The following TMEM196 variants were observed in gnomAD, a reference collection of about 807,000 sequenced individuals.
TMEM196 encodes the protein transmembrane protein 196.
In TMEM196, 17 loss-of-function variants were observed where a neutral mutation model predicts 20.0. The observed-to-expected ratio is 0.85, with a 90% CI of 0.58 to 1.27. TMEM196 has a LOEUF of 1.27. TMEM196 is among the 50% of genes most tolerant of loss of function. The pLI is 0.00. For missense variants in TMEM196, 267 were observed against 223.0 expected, an observed-to-expected ratio of 1.20 and a Z score of -1.26; for synonymous variants, 113 against 88.9, an observed-to-expected ratio of 1.27 and a Z score of -1.52.
chr7:19,758,393 A>T (rs1785301231), intron 1 of TMEM196, among the ~76,000 whole-genome samples: 2 of 152,200 alleles, frequency 1.3e-5, no homozygotes, highest in African/African-American at 4.8e-5. Flanking sequence ...AGCACTGCTA[A>T]TAATTTGGGA....
Position 19,722,039 on chromosome 7 carries a change from A to AAATCCT in TMEM196, c.*83_*88dup. 1 of 1,582,506 alleles carries AAATCCT rather than the reference A, an allele frequency of 6.3e-7. No individual in the cohort carries two copies. The highest frequency in any genetic ancestry group is 8.6e-7 in the Non-Finnish European group (1 of 1,156,596). On this transcript the variant is annotated 3_prime_UTR_variant, in exon 5 of 5. Coordinates refer to ENST00000405844, the MANE Select transcript of TMEM196 (RefSeq NM_001363562.2). ...CCTTTGGTGTCTCATTGCCTCATGAAAATCCTAAAAAGTGTTCAATTCTTT... is the reference window on the plus strand; with the variant it reads ...CCTTTGGTGTCTCATTGCCTCATGAAAATCCTAATCCTAAAAAGTGTTCAATTCTTT...
chr7:19,731,998 T>G (rs1173755439), intron 1 of TMEM196, among the ~76,000 whole-genome samples: 1 of 152,200 alleles, frequency 6.6e-6, no homozygotes, highest in Non-Finnish European at 1.5e-5. Context: ...GAGGAGGATC[T>G]AAAAGATCTT....
rs1206476915 is a variant in TMEM196, at chr7:19,772,688, G to A, written c.9C>T (p.Thr3=). The A allele has an allele frequency of 6.6e-7, 1 of 1,512,204 alleles. No individual in the cohort carries two copies. Among genetic ancestry groups the A allele is most frequent in the Non-Finnish European group, 8.9e-7 (1 of 1,124,632 alleles). The allele number at this position is 1,512,204 out of a possible 1,614,324, so 93.7% of individuals were successfully genotyped here. The change falls in exon 1 of 5, where the codon ACC becomes ACT. Residue 3 remains threonine (T), a synonymous_variant. Coordinates refer to ENST00000405844, the MANE Select transcript of TMEM196 (RefSeq NM_001363562.2). ...AGAGGCTCCCAATAATCTGACCGCT[G>A]GTGCACATCCTTCCTCGGTCATCTT... MC[T]SGQIIGSLLV...
chr7:19,721,968 C>G lies in TMEM196; in HGVS notation c.*160G>C, dbSNP rs1299798119. ...TTAGGAAGAATAATTTTAGTGGATG[C>G]TCAGGAGAGATAAATGCAAATGCAA... is the stretch of plus-strand genomic sequence containing the variant. On this transcript the variant is annotated 3_prime_UTR_variant, in exon 5 of 5. Coordinates refer to ENST00000405844, the MANE Select transcript of TMEM196 (RefSeq NM_001363562.2). 1 of 924,640 alleles carries G rather than the reference C, an allele frequency of 1.1e-6. No individual in the cohort carries two copies. The highest frequency in any genetic ancestry group is 1.7e-6 in the Non-Finnish European group (1 of 596,616). 57.3% of individuals were successfully genotyped at this position (924,640 alleles called of 1,614,324 possible). A position where few individuals can be genotyped will look rare whatever the true frequency, so the allele number is the denominator to read the frequency against.
At chr7:19,756,159 A>G (rs1391625450) in intron 1 of TMEM196, among the ~76,000 whole-genome samples, 1 of 152,126 alleles carries the variant, frequency 6.6e-6, no homozygotes, top group African/African-American at 2.4e-5. Flanking sequence ...CAAACCACAT[A>G]TATCACTATT....
At chr7:19,753,562 C>T (rs1405020110) in intron 1 of TMEM196, among the ~76,000 whole-genome samples, 2 of 152,104 alleles carry the variant, frequency 1.3e-5, no homozygotes. Context: ...TCTTGGTGTT[C>T]CCTTCATTCT....
At position 19,720,044 on chromosome 7, in the gene TMEM196, A is replaced by C. The variant is rs1254371186; in HGVS notation, c.*2084T>G. On this transcript the variant is annotated 3_prime_UTR_variant, in exon 5 of 5. Coordinates refer to ENST00000405844, the MANE Select transcript of TMEM196 (RefSeq NM_001363562.2). ...GTTTATTCTTTCAGTACAAAACTAC[A>C]TCCTTGCATGAATTCAGGAGGACCA... 1 of 152,076 alleles carries C rather than the reference A, an allele frequency of 6.6e-6. No individual in the cohort carries two copies. Among genetic ancestry groups the C allele is most frequent in the Admixed American group, 6.6e-5 (1 of 15,262 alleles). 9.4% of individuals were successfully genotyped at this position (152,076 alleles called of 1,614,324 possible). A position where few individuals can be genotyped will look rare whatever the true frequency, so the allele number is the denominator to read the frequency against.
Position 19,736,400 on chromosome 7 carries a change from T to A in TMEM196, c.148-6962A>T, listed in dbSNP as rs199778188. ...ATATATATATATATATATATATATA[T>A]AAATTATCTCTGTAAAATGGAGAAA... On this transcript the variant is annotated intron_variant, in intron 1 of 4. Transcript: ENST00000405844. Among the ~76,000 whole-genome samples, 194 of 136,054 alleles carry A rather than the reference T, an allele frequency of 1.4e-3. 6 individuals carry two copies. The South Asian group carries it at 0.031, about 22-fold the overall frequency. 89.3% of individuals were successfully genotyped at this position (136,054 alleles called of 152,430 possible).
chr7:19,748,450 A>G (rs1249289849), intron 1 of TMEM196, among the ~76,000 whole-genome samples: 3 of 152,254 alleles, frequency 2.0e-5, no homozygotes, highest in South Asian at 4.1e-4. Context: ...ATTTTATAGA[A>G]CAAGAAACAG....
chr7:19,748,285 A>AAAAAAAAC (rs1784838081), intron 1 of TMEM196, among the ~76,000 whole-genome samples: 1 of 143,260 alleles, frequency 7.0e-6, no homozygotes, highest in Non-Finnish European at 1.5e-5. Flanking sequence ...AAAAAAAAAA[A>AAAAAAAAC]AAAAAACAGT....
intron 1 of TMEM196, among the ~76,000 whole-genome samples, chr7:19,770,413 G>A (rs954031784): frequency 6.6e-6 from 1 of 152,204 alleles, no homozygotes; most frequent in African/African-American, 2.4e-5. Context: ...AGTTGAGACT[G>A]TACCATAAAT....
rs1299798119 is a variant in TMEM196 at position 19,721,968 on chromosome 7, C to T, written c.*160G>A. 4 of 924,522 alleles carry T rather than the reference C, an allele frequency of 4.3e-6. No homozygotes were observed. Among genetic ancestry groups the T allele is most frequent in the African/African-American group, 1.7e-5 (1 of 57,966 alleles). 57.3% of individuals were successfully genotyped at this position (924,522 alleles called of 1,614,324 possible). A position where few individuals can be genotyped will look rare whatever the true frequency, so the allele number is the denominator to read the frequency against. ...TTAGGAAGAATAATTTTAGTGGATG[C>T]TCAGGAGAGATAAATGCAAATGCAA... On this transcript the variant is annotated 3_prime_UTR_variant, in exon 5 of 5. Transcript: ENST00000405844.
Position 19,719,406 on chromosome 7 carries a change from CATATGTGTATGT to C in TMEM196, c.*2710_*2721del. On this transcript the variant is annotated 3_prime_UTR_variant, in exon 5 of 5. Transcript: ENST00000405844. ...AAACCATTGTGTGTGTGTATATACA[CATATGTGTATGT>C]ATATGCATATATATACACACATACA... is the stretch of plus-strand genomic sequence containing the variant. 1.3e-5 allele frequency: 2 copies of C among 152,132 alleles called. No individual in the cohort carries two copies. Among genetic ancestry groups the C allele is most frequent in the African/African-American group, 4.8e-5 (2 of 41,508 alleles). The allele number at this position is 152,132 out of a possible 1,614,324, so 9.4% of individuals were successfully genotyped here.
chr7:19,757,111 A>G (rs1785249251), intron 1 of TMEM196, among the ~76,000 whole-genome samples: 1 of 152,064 alleles, frequency 6.6e-6, no homozygotes, highest in Non-Finnish European at 1.5e-5. Context: ...TTTTACCTGC[A>G]TAAGTTTTCT....
At chr7:19,765,846 T>G (rs1177620302) in intron 1 of TMEM196, among the ~76,000 whole-genome samples, 4 of 152,120 alleles carry the variant, frequency 2.6e-5, no homozygotes, top group Non-Finnish European at 5.9e-5. Flanking sequence ...AAAACCTAAC[T>G]AGATACATAC....
At position 19,743,797 on chromosome 7, in the gene TMEM196, C is replaced by T. The variant is rs1490464480; in HGVS notation, c.148-14359G>A. On this transcript the variant is annotated intron_variant, in intron 1 of 4. Coordinates refer to ENST00000405844, the MANE Select transcript of TMEM196 (RefSeq NM_001363562.2). The stretch of plus-strand genomic sequence containing the variant: ...CCAGTACCTGGTTCAATTTGATTTG[C>T]CACAGAGTCCTAAAATCTTGACAAG... Among the ~76,000 whole-genome samples, 11 of 152,040 alleles carry T rather than the reference C, an allele frequency of 7.2e-5. No individual in the cohort carries two copies. In the East Asian group the frequency reaches 2.1e-3, roughly 29 times the overall value.
intron 1 of TMEM196, among the ~76,000 whole-genome samples, chr7:19,753,538 C>T (rs1048338906): frequency 2.0e-5 from 3 of 152,152 alleles, no homozygotes; most frequent in Non-Finnish European, 4.4e-5. Context: ...TAATTTTTCA[C>T]GTAATTCCAT....
At chr7:19,746,565 A>G (rs1375435352) in intron 1 of TMEM196, among the ~76,000 whole-genome samples, 1 of 152,246 alleles carries the variant, frequency 6.6e-6, no homozygotes, top group Non-Finnish European at 1.5e-5. Flanking sequence ...AATATAAATT[A>G]CTGAACTCAT....
At chr7:19,772,144 C>T (rs2128042334) in intron 1 of TMEM196, among the ~76,000 whole-genome samples, 1 of 152,156 alleles carries the variant, frequency 6.6e-6, no homozygotes, top group African/African-American at 2.4e-5. Flanking sequence ...ATGGAATACT[C>T]TTATTTTGAT....
Sources: gnomAD v4.1 joint callset for allele counts (sites outside exome capture counted in the v4.1 genomes callset) on GRCh38, gnomAD v4.1.1 for gene constraint, MANE v1.5 for transcripts, NCBI Gene and HGNC (gene_info 2026-07-23, HGNC 2026-07-21) for gene names.